Variants in CDH13 observed in about 807,000 individuals in gnomAD.
The protein encoded by CDH13 is cadherin 13.
Under a neutral mutation model 63.8 loss-of-function variants are expected in CDH13, and 24 were observed. That is an observed-to-expected ratio of 0.38 (90% CI 0.27 to 0.53). The LOEUF (loss-of-function observed/expected upper bound fraction) is 0.53. CDH13 is among the 20% of genes least tolerant of loss of function. The pLI is 0.85. For missense variants in CDH13, 1,049 were observed against 903.1 expected (o/e 1.16, Z -2.07); for synonymous variants, 503 against 355.3 (o/e 1.42, Z -4.67).
chr16:83,070,105 A>T (rs187823811), intron 3 of CDH13, among the ~76,000 whole-genome samples: 20 of 152,262 alleles, frequency 1.3e-4, no homozygotes, highest in Admixed American at 1.3e-3. Flanking sequence ...AGCTGTTCTG[A>T]AATCCTCTTG....
At chr16:82,878,843 G>A (rs940614542) in intron 2 of CDH13, among the ~76,000 whole-genome samples, 2 of 151,986 alleles carry the variant, frequency 1.3e-5, no homozygotes, top group African/African-American at 4.8e-5. Flanking sequence ...CTAACATTGA[G>A]GCATTGAAAG....
At chr16:83,341,797 A>C (rs1460514151) in intron 5 of CDH13, among the ~76,000 whole-genome samples, 1 of 151,942 alleles carries the variant, frequency 6.6e-6, no homozygotes, top group East Asian at 1.9e-4. Context: ...CCCACTCCTA[A>C]ATTAGTTCCA....
intron 6 of CDH13, among the ~76,000 whole-genome samples, chr16:83,432,829 C>T (rs2151485145): frequency 6.6e-6 from 1 of 152,308 alleles, no homozygotes; most frequent in African/African-American, 2.4e-5. Context: ...GAATATTTTC[C>T]TCGATTTAAA....
At chr16:83,085,836 G>A (rs557847363) in intron 3 of CDH13, among the ~76,000 whole-genome samples, 1 of 152,234 alleles carries the variant, frequency 6.6e-6, no homozygotes, top group Admixed American at 6.5e-5. Flanking sequence ...CTCTTGATGG[G>A]GAATAGTCAT....
intron 1 of CDH13, among the ~76,000 whole-genome samples, chr16:82,739,246 C>G (rs576126029): frequency 1.3e-4 from 20 of 152,248 alleles, no homozygotes; most frequent in East Asian, 3.9e-4. Flanking sequence ...AAATCCTTTT[C>G]AGATGATATG....
Position 82,960,092 on chromosome 16 carries a change from T to C in CDH13, c.158-71918T>C, listed in dbSNP as rs1327304243. Among the ~76,000 whole-genome samples the C allele has an allele frequency of 2.0e-5, 3 of 152,194 alleles. 1 individual carries two copies. Among genetic ancestry groups the C allele is most frequent in the African/African-American group, 7.2e-5 (3 of 41,442 alleles). ...TGTTTTAAAAACATTCTCTGGATGATGGATCAAGAATGCCAGTAGGGAGGG... is the reference window on the plus strand; with the variant it reads ...TGTTTTAAAAACATTCTCTGGATGACGGATCAAGAATGCCAGTAGGGAGGG... On this transcript the variant is annotated intron_variant, in intron 2 of 13. Coordinates refer to ENST00000567109, the MANE Select transcript of CDH13 (RefSeq NM_001257.5).
chr16:83,230,156 A>G (rs11648366), intron 5 of CDH13, among the ~76,000 whole-genome samples: 14,809 of 152,204 alleles, frequency 0.097, 968 homozygotes, highest in Admixed American at 0.13. Flanking sequence ...TCGTGAATGC[A>G]TTTTCTATTC....
chr16:83,366,569 T>C (rs1347201181), intron 6 of CDH13, among the ~76,000 whole-genome samples: 1 of 152,186 alleles, frequency 6.6e-6, no homozygotes, highest in East Asian at 1.9e-4. Context: ...ATCCCTGCGA[T>C]TGGGATAAGC....
At chr16:83,477,304 A>C (rs2073630519) in intron 6 of CDH13, among the ~76,000 whole-genome samples, 1 of 152,246 alleles carries the variant, frequency 6.6e-6, no homozygotes, top group African/African-American at 2.4e-5. Context: ...TAAAAAACCA[A>C]CTAGCTCCAG....
At chr16:83,774,621 A>T (rs1016529222) in intron 11 of CDH13, among the ~76,000 whole-genome samples, 1 of 152,122 alleles carries the variant, frequency 6.6e-6, no homozygotes, top group Non-Finnish European at 1.5e-5. Context: ...TGATCTGCCC[A>T]CTTCAGCCTC....
chr16:82,642,760 C>T lies in CDH13; in HGVS notation c.45+15623C>T, dbSNP rs531787105. On this transcript the variant is annotated intron_variant, in intron 1 of 13. Coordinates refer to ENST00000567109, the MANE Select transcript of CDH13 (RefSeq NM_001257.5). ...ATATCAGTGTGGTGCTGATTTTGAACCAGGCCTGGTGTGAGTGCTTCAGAT... is the reference window on the plus strand; with the variant it reads ...ATATCAGTGTGGTGCTGATTTTGAATCAGGCCTGGTGTGAGTGCTTCAGAT... Among the ~76,000 whole-genome samples, 8 of 152,284 alleles carry T rather than the reference C, an allele frequency of 5.3e-5. No homozygotes were observed. The South Asian group carries it at 1.7e-3, about 32-fold the overall frequency.
chr16:82,659,166 T>TTTAGCACCTGAG (rs1911642365), intron 1 of CDH13, among the ~76,000 whole-genome samples: 1 of 152,196 alleles, frequency 6.6e-6, no homozygotes, highest in African/African-American at 2.4e-5. Flanking sequence ...CCTTTAAAGA[T>TTTAGCACCTGAG]TTAGCACCTG....
chr16:83,634,545 T>C (rs562712074), intron 8 of CDH13, among the ~76,000 whole-genome samples: 58 of 152,108 alleles, frequency 3.8e-4, no homozygotes, highest in African/African-American at 1.4e-3. Context: ...GGACTACAGA[T>C]GCCTGCCACC....
intron 1 of CDH13, among the ~76,000 whole-genome samples, chr16:82,801,104 G>A (rs2036834521): frequency 6.6e-6 from 1 of 152,120 alleles, no homozygotes; most frequent in South Asian, 2.1e-4. Flanking sequence ...TCTAGAAAAT[G>A]TTGGGTTTGT....
At chr16:82,910,032 T>C in intron 2 of CDH13, among the ~76,000 whole-genome samples, 1 of 152,154 alleles carries the variant, frequency 6.6e-6, no homozygotes, top group East Asian at 1.9e-4. Flanking sequence ...TACTTGGAAG[T>C]AGTGGCATGC....
intron 6 of CDH13, among the ~76,000 whole-genome samples, chr16:83,353,313 A>T (rs747216800): frequency 5.3e-5 from 8 of 152,260 alleles, no homozygotes; most frequent in Non-Finnish European, 8.8e-5. Context: ...GAACCAAGAC[A>T]GTCGGCTCCC....
intron 1 of CDH13, among the ~76,000 whole-genome samples, chr16:82,828,251 C>T (rs1029057993): frequency 3.3e-5 from 5 of 152,162 alleles, no homozygotes; most frequent in Non-Finnish European, 4.4e-5. Flanking sequence ...AGACTCTTTA[C>T]GTCTGTTTCA....
chr16:82,972,511 C>A (rs974903705), intron 2 of CDH13, among the ~76,000 whole-genome samples: 1 of 152,120 alleles, frequency 6.6e-6, no homozygotes, highest in Non-Finnish European at 1.5e-5. Flanking sequence ...GCCTTGGGAC[C>A]TGGGGAGGTT....
intron 8 of CDH13, among the ~76,000 whole-genome samples, chr16:83,646,295 C>T (rs148971974): frequency 4.6e-5 from 7 of 152,312 alleles, no homozygotes; most frequent in Non-Finnish European, 8.8e-5. Flanking sequence ...GGGTGAGTAG[C>T]GTACCCGGGT....
Sources: allele counts gnomAD v4.1 joint callset (sites outside exome capture counted in the v4.1 genomes callset), GRCh38; gene constraint gnomAD v4.1.1; transcripts MANE v1.5; gene names NCBI Gene and HGNC (gene_info 2026-07-23, HGNC 2026-07-21).